Variants in GRIK2 observed in about 807,000 individuals in gnomAD.
The protein encoded by GRIK2 is glutamate receptor ionotropic, kainate 2.
GRIK2 carries 32 observed loss-of-function variants against 100.3 expected under a neutral mutation model. The ratio of observed to expected loss-of-function variants is 0.32; its 90% CI spans 0.24 to 0.43. The LOEUF (loss-of-function observed/expected upper bound fraction) is 0.43, where lower values mean the gene tolerates loss of function less well. GRIK2 is among the 20% of genes least tolerant of loss of function. GRIK2 has a pLI of 1.00. For missense variants in GRIK2, 843 were observed against 1,114.9 expected, an observed-to-expected ratio of 0.76 and a Z score of 3.47; for synonymous variants, 417 against 389.4, an observed-to-expected ratio of 1.07 and a Z score of -0.83.
At chr6:101,972,227 A>G (rs1793095216) in intron 14 of GRIK2, among the ~76,000 whole-genome samples, 1 of 152,056 alleles carries the variant, frequency 6.6e-6, no homozygotes, top group African/African-American at 2.4e-5. Flanking sequence ...CGAACAGTGT[A>G]TAAGCATTCC....
intron 15 of GRIK2, among the ~76,000 whole-genome samples, chr6:102,037,503 C>A (rs1342060162): frequency 6.6e-6 from 1 of 151,246 alleles, no homozygotes; most frequent in Non-Finnish European, 1.5e-5. Flanking sequence ...CTGGATGCCA[C>A]TGTTTTTAAA....
chr6:101,958,773 A>G (rs993510064), intron 14 of GRIK2, among the ~76,000 whole-genome samples: 6 of 152,016 alleles, frequency 3.9e-5, no homozygotes, highest in Non-Finnish European at 7.4e-5. Context: ...TTCTGAATCT[A>G]TTGAGATGAG....
chr6:101,733,064 G>T (rs1775389118), intron 7 of GRIK2, among the ~76,000 whole-genome samples: 1 of 152,040 alleles, frequency 6.6e-6, no homozygotes, highest in Non-Finnish European at 1.5e-5. Context: ...TATGAATTTT[G>T]AGAAGACTCA....
chr6:101,974,065 C>A (rs1793221449), intron 14 of GRIK2, among the ~76,000 whole-genome samples: 2 of 151,862 alleles, frequency 1.3e-5, no homozygotes, highest in South Asian at 4.1e-4. Context: ...CTTCCAAGTT[C>A]TGAAAGTTAT....
intron 2 of GRIK2, among the ~76,000 whole-genome samples, chr6:101,616,458 C>G (rs1043191214): frequency 6.6e-6 from 1 of 151,658 alleles, no homozygotes; most frequent in African/African-American, 2.4e-5. Flanking sequence ...ACTTCTGAAG[C>G]ATTTTGTCAT....
intron 14 of GRIK2, among the ~76,000 whole-genome samples, chr6:101,982,843 T>TAAGA (rs1399585518): frequency 2.6e-5 from 4 of 151,726 alleles, no homozygotes; most frequent in East Asian, 2.0e-4. Context: ...TTGCAGCATG[T>TAAGA]AAGAACTTAG....
intron 2 of GRIK2, among the ~76,000 whole-genome samples, chr6:101,480,501 A>G (rs1395677519): frequency 3.9e-5 from 6 of 152,000 alleles, no homozygotes; most frequent in Admixed American, 3.9e-4. Context: ...TTGTTTTTCT[A>G]CTTCCTACAA....
intron 2 of GRIK2, among the ~76,000 whole-genome samples, chr6:101,566,223 A>T (rs1447881050): frequency 6.6e-6 from 1 of 151,770 alleles, no homozygotes; most frequent in African/African-American, 2.4e-5. Flanking sequence ...CTGTCTTCTT[A>T]AATGAAGCCA....
At chr6:102,000,504 G>C (rs1794882712) in intron 14 of GRIK2, among the ~76,000 whole-genome samples, 1 of 151,846 alleles carries the variant, frequency 6.6e-6, no homozygotes, top group Admixed American at 6.6e-5. Flanking sequence ...TTTTCACTTA[G>C]AAGTAAGAAC....
intron 10 of GRIK2, among the ~76,000 whole-genome samples, chr6:101,821,962 A>G (rs529853059): frequency 6.6e-6 from 1 of 152,216 alleles, no homozygotes; most frequent in Non-Finnish European, 1.5e-5. Context: ...CAACATTTTT[A>G]TTACGTGTCT....
chr6:101,592,598 T>TAG (rs1778714234), intron 2 of GRIK2, among the ~76,000 whole-genome samples: 1 of 105,988 alleles, frequency 9.4e-6, no homozygotes, highest in Admixed American at 8.7e-5. Flanking sequence ...CATATATATA[T>TAG]ATATATATAT....
At chr6:101,447,563 G>A (rs971781094) in intron 2 of GRIK2, among the ~76,000 whole-genome samples, 10 of 151,774 alleles carry the variant, frequency 6.6e-5, no homozygotes, top group Admixed American at 2.0e-4. Flanking sequence ...AGAAATGTAA[G>A]TTTTACTGAT....
At chr6:101,695,845 C>T (rs930484556) in intron 7 of GRIK2, among the ~76,000 whole-genome samples, 3 of 152,030 alleles carry the variant, frequency 2.0e-5, no homozygotes, top group African/African-American at 7.2e-5. Flanking sequence ...AATCATTTAA[C>T]ACAAAGCCTA....
At chr6:101,588,666 A>ACG (rs1778494114) in intron 2 of GRIK2, among the ~76,000 whole-genome samples, 1 of 144,998 alleles carries the variant, frequency 6.9e-6, no homozygotes, top group Non-Finnish European at 1.5e-5. Context: ...ACACACGCAC[A>ACG]CGCACACACA....
At chr6:102,065,113 ATTGAC>A (rs1462189437) in intron 16 of GRIK2, among the ~76,000 whole-genome samples, 1 of 151,248 alleles carries the variant, frequency 6.6e-6, no homozygotes, top group Non-Finnish European at 1.5e-5. Flanking sequence ...GAGACCATTG[ATTGAC>A]TTATGAAAGA....
intron 4 of GRIK2, among the ~76,000 whole-genome samples, chr6:101,630,120 G>T (rs986783390): frequency 6.6e-6 from 1 of 152,056 alleles, no homozygotes; most frequent in South Asian, 2.1e-4. Context: ...CACAATTGAT[G>T]GGCATCTTGG....
intron 4 of GRIK2, among the ~76,000 whole-genome samples, chr6:101,675,937 A>G (rs1405801885): frequency 6.6e-6 from 1 of 152,150 alleles, no homozygotes; most frequent in Non-Finnish European, 1.5e-5. Flanking sequence ...CAGGTTATTC[A>G]CCAGAACATT....
In GRIK2 at chr6:102,068,387, C is replaced by T. The variant is rs150008137; in HGVS notation, c.2603C>T (p.Ser868Phe). ...CSAMVEELRM[S>F]LKCQRRLKHK... Reference sequence around the variant, plus strand: ...GCCATGGTAGAAGAATTGAGGATGTCCCTGAAGTGCCAGCGTCGGTTAAAA... The same window carrying T: ...GCCATGGTAGAAGAATTGAGGATGTTCCTGAAGTGCCAGCGTCGGTTAAAA... The change falls in exon 17 of 17, where the codon TCC (serine) becomes TTC (phenylalanine). Residue 868 changes from serine to phenylalanine, a missense_variant. This residue lies in a region of GRIK2 where 87 missense variants were observed against 83.2 expected (regional missense o/e 1.05). Coordinates refer to ENST00000369134, the MANE Select transcript of GRIK2 (RefSeq NM_021956.5). 6.2e-7 allele frequency: 1 copy of T among 1,611,782 alleles called. No homozygotes were observed. The highest frequency in any genetic ancestry group is 8.5e-7 in the Non-Finnish European group (1 of 1,178,418).
At chr6:102,052,042 T>C (rs1771226644) in intron 15 of GRIK2, among the ~76,000 whole-genome samples, 1 of 152,174 alleles carries the variant, frequency 6.6e-6, no homozygotes, top group Non-Finnish European at 1.5e-5. Flanking sequence ...TAGAGTTAAG[T>C]GCATGGCTGT....
Sources: allele counts gnomAD v4.1 joint callset (sites outside exome capture counted in the v4.1 genomes callset), GRCh38; gene constraint gnomAD v4.1.1; regional missense constraint gnomAD v4.1.1; transcripts MANE v1.5; gene names NCBI Gene and HGNC (gene_info 2026-07-23, HGNC 2026-07-21).